CNTN5: variants seen among roughly 807,000 people sequenced by gnomAD.
The protein encoded by CNTN5 is contactin 5.
CNTN5 carries 77 observed loss-of-function variants against 129.1 expected under a neutral mutation model. The ratio of observed to expected loss-of-function variants is 0.60; its 90% CI spans 0.50 to 0.72. The LOEUF (loss-of-function observed/expected upper bound fraction) is 0.72. Among genes scored for constraint, CNTN5 ranks in the 30% least tolerant of loss-of-function variants. The pLI is 0.00. For synonymous variants in CNTN5, 509 were observed against 465.6 expected (o/e 1.09, Z -1.20); for missense variants, 1,478 against 1,328.8 (o/e 1.11, Z -1.75).
At chr11:99,223,765 C>A (rs1014888716) in intron 1 of CNTN5, among the ~76,000 whole-genome samples, 22 of 152,152 alleles carry the variant, frequency 1.4e-4, no homozygotes, top group Non-Finnish European at 3.1e-4. Flanking sequence ...CCCTCTAAAG[C>A]TTCCTCTCAT....
chr11:99,739,833 T>C (rs2135151273), intron 3 of CNTN5, among the ~76,000 whole-genome samples: 1 of 152,262 alleles, frequency 6.6e-6, no homozygotes, highest in South Asian at 2.1e-4. Flanking sequence ...TATGAGTAAA[T>C]CGAACTGAAG....
intron 9 of CNTN5, among the ~76,000 whole-genome samples, chr11:100,031,519 A>T (rs995129057): frequency 6.6e-6 from 1 of 152,168 alleles, no homozygotes; most frequent in Non-Finnish European, 1.5e-5. Context: ...AAATGCCCTC[A>T]TCTTGCCACA....
At chr11:99,999,841 G>A (rs1258086252) in intron 8 of CNTN5, among the ~76,000 whole-genome samples, 6 of 152,044 alleles carry the variant, frequency 3.9e-5, no homozygotes, top group African/African-American at 1.4e-4. Flanking sequence ...AAAATGATGA[G>A]TTCATGTCCT....
At chr11:99,778,575 A>G (rs759043673) in intron 3 of CNTN5, among the ~76,000 whole-genome samples, 25 of 151,802 alleles carry the variant, frequency 1.6e-4, no homozygotes, top group Non-Finnish European at 3.4e-4. Context: ...TGTCTAAATA[A>G]ATTAATCTCA....
chr11:99,405,227 T>C (rs371262855), intron 2 of CNTN5, among the ~76,000 whole-genome samples: 207 of 152,220 alleles, frequency 1.4e-3, no homozygotes, highest in African/African-American at 4.7e-3. Flanking sequence ...CTGCTTGGTG[T>C]TTTATAACCT....
chr11:99,543,795 G>A (rs1049577915), intron 2 of CNTN5, among the ~76,000 whole-genome samples: 4 of 151,836 alleles, frequency 2.6e-5, no homozygotes, highest in African/African-American at 9.7e-5. Context: ...GCACACGCCT[G>A]TAATTCCTGC....
At chr11:100,118,791 T>A (rs1186820876) in intron 13 of CNTN5, among the ~76,000 whole-genome samples, 2 of 151,924 alleles carry the variant, frequency 1.3e-5, no homozygotes, top group African/African-American at 4.8e-5. Flanking sequence ...CCCATCTTTT[T>A]AAATTTTTTA....
rs199855536 is a variant in CNTN5 at position 99,724,754 on chromosome 11, CA to C, written c.56-94781del. Among the ~76,000 whole-genome samples the C allele has an allele frequency of 4.0e-3, 602 of 150,690 alleles. 1 individual carries two copies. Among genetic ancestry groups the C allele is most frequent in the South Asian group, 0.021 (100 of 4,750 alleles). On this transcript the variant is annotated intron_variant, in intron 3 of 24. Transcript: ENST00000524871. ...CAGGAAGCTGAATAACAGTATCTGA[CA>C]AAAAAAAATTACAAAAACACAGCAG...
intron 1 of CNTN5, among the ~76,000 whole-genome samples, chr11:99,132,066 T>G (rs549912371): frequency 2.6e-5 from 4 of 152,198 alleles, no homozygotes; most frequent in African/African-American, 9.7e-5. Flanking sequence ...CAAGTCAGTG[T>G]CATCCCCAGA....
intron 6 of CNTN5, among the ~76,000 whole-genome samples, chr11:99,904,377 T>C (rs985861779): frequency 2.0e-5 from 3 of 151,414 alleles, no homozygotes; most frequent in African/African-American, 7.3e-5. Flanking sequence ...CACTTACGAG[T>C]GAGAACCTGT....
At chr11:100,116,456 C>G (rs1206008698) in intron 13 of CNTN5, among the ~76,000 whole-genome samples, 4 of 150,352 alleles carry the variant, frequency 2.7e-5, no homozygotes, top group Non-Finnish European at 5.9e-5. Flanking sequence ...AGAGTACTAA[C>G]ATAGTATATT....
At position 100,226,066 on chromosome 11, in the gene CNTN5, A is replaced by C. The variant is rs114704414; in HGVS notation, c.2005+1254A>C. ...AGAAGGCTACTTGATCTTTTCTTCA[A>C]ATTTATATCTAGCATGTATATCTGT... On this transcript the variant is annotated intron_variant, in intron 16 of 24. Coordinates refer to ENST00000524871, the MANE Select transcript of CNTN5 (RefSeq NM_014361.4). 5.3e-3 allele frequency among the ~76,000 whole-genome samples: 807 copies of C among 152,168 alleles called. 7 individuals are homozygous for C. The highest frequency in any genetic ancestry group is 0.018 in the African/African-American group (745 of 41,546).
intron 6 of CNTN5, among the ~76,000 whole-genome samples, chr11:99,863,482 T>G (rs1306680891): frequency 6.6e-6 from 1 of 152,096 alleles, no homozygotes; most frequent in Non-Finnish European, 1.5e-5. Flanking sequence ...GAGGTAGAAG[T>G]ATCTAGGATG....
intron 4 of CNTN5, 150 bp from the exon 5 acceptor site, chr11:99,844,702 G>A: frequency 1.5e-6 from 1 of 670,724 alleles, no homozygotes. Context: ...AAACAATGCA[G>A]TTTTCTAGCT....
chr11:100,301,506 T>G (rs988016231), intron 20 of CNTN5, among the ~76,000 whole-genome samples: 1 of 151,682 alleles, frequency 6.6e-6, no homozygotes, highest in African/African-American at 2.4e-5. Context: ...TTCATTTATT[T>G]TAATCAACTG....
chr11:99,517,970 G>A (rs1356794163), intron 2 of CNTN5, among the ~76,000 whole-genome samples: 1 of 152,020 alleles, frequency 6.6e-6, no homozygotes, highest in Non-Finnish European at 1.5e-5. Context: ...GAATGATATT[G>A]GAGAATATGA....
At chr11:99,859,997 G>A (rs367856937) in intron 6 of CNTN5, among the ~76,000 whole-genome samples, 1 of 152,184 alleles carries the variant, frequency 6.6e-6, no homozygotes, top group South Asian at 2.1e-4. Flanking sequence ...CAAAAGTCTC[G>A]CCAACATCTG....
At chr11:100,132,860 T>G (rs1022771369) in intron 13 of CNTN5, among the ~76,000 whole-genome samples, 1 of 152,158 alleles carries the variant, frequency 6.6e-6, no homozygotes, top group East Asian at 1.9e-4. Context: ...TATTTATGAT[T>G]ACACAGTTTT....
chr11:100,064,318 G>T (rs1035048217), intron 10 of CNTN5, among the ~76,000 whole-genome samples: 1 of 152,008 alleles, frequency 6.6e-6, no homozygotes. Flanking sequence ...CCCTTTTCTT[G>T]GTCAAAGCAT....
Sources: gnomAD v4.1 joint callset for allele counts (sites outside exome capture counted in the v4.1 genomes callset) on GRCh38, gnomAD v4.1.1 for gene constraint, MANE v1.5 for transcripts, NCBI Gene and HGNC (gene_info 2026-07-23, HGNC 2026-07-21) for gene names.